The following CMIP variants were observed in gnomAD, a reference collection of about 807,000 sequenced individuals.
CMIP encodes c-Maf inducing protein, also known as C-Maf-inducing protein.
Under a neutral mutation model 97.3 loss-of-function variants are expected in CMIP, and 13 were observed. The observed-to-expected ratio is 0.13, with a 90% CI of 0.09 to 0.21. CMIP has a LOEUF of 0.21. Ranked by LOEUF, CMIP falls within the 10% of genes least tolerant of loss-of-function variation. The probability of loss-of-function intolerance (pLI) is 1.00; values close to 1 mark genes in which losing one functional copy is unlikely to be tolerated. For synonymous variants in CMIP, 538 were observed against 436.3 expected, an observed-to-expected ratio of 1.23 and a Z score of -2.91; for missense variants, 847 against 1,024.9, an observed-to-expected ratio of 0.83 and a Z score of 2.37.
intron 1 of CMIP, among the ~76,000 whole-genome samples, chr16:81,469,873 G>C (rs937803735): frequency 3.3e-5 from 5 of 152,216 alleles, no homozygotes; most frequent in Non-Finnish European, 5.9e-5. Context: ...TGTCTTGGAG[G>C]ATGGGATGGG....
intron 1 of CMIP, among the ~76,000 whole-genome samples, chr16:81,477,535 A>G (rs772160742): frequency 2.3e-4 from 35 of 152,328 alleles, no homozygotes; most frequent in Non-Finnish European, 4.0e-4. Flanking sequence ...ACTGAAGGCA[A>G]TGGCTGCCCT....
chr16:81,468,215 C>A (rs575435461), intron 1 of CMIP, among the ~76,000 whole-genome samples: 83 of 152,306 alleles, frequency 5.4e-4, no homozygotes, highest in South Asian at 8.3e-4. Context: ...AGGCAGAAGG[C>A]CATGGTTCTC....
intron 1 of CMIP, among the ~76,000 whole-genome samples, chr16:81,489,779 C>A (rs544721292): frequency 6.6e-6 from 1 of 152,340 alleles, no homozygotes; most frequent in East Asian, 1.9e-4. Context: ...GGGCCCTTCA[C>A]GCTGGGAGCT....
chr16:81,704,257 C>T (rs1325575498), intron 18 of CMIP, among the ~76,000 whole-genome samples, 172 bp downstream of exon 18: 1 of 84,790 alleles, frequency 1.2e-5, no homozygotes, highest in African/African-American at 4.9e-5. Context: ...CTCCCTGCCC[C>T]TTCACCCTCC....
intron 1 of CMIP, among the ~76,000 whole-genome samples, chr16:81,484,615 C>A (rs148819142): frequency 1.7e-3 from 255 of 152,252 alleles, no homozygotes; most frequent in Non-Finnish European, 2.1e-3. Flanking sequence ...GTAATCATCT[C>A]CGGCTCTCTG....
chr16:81,612,362 AC>A (rs2091845906), intron 2 of CMIP, among the ~76,000 whole-genome samples: 1 of 152,038 alleles, frequency 6.6e-6, no homozygotes, highest in African/African-American at 2.4e-5. Context: ...GGCTCTTCTC[AC>A]CAATGTTCTG....
intron 20 of CMIP, among the ~76,000 whole-genome samples, chr16:81,708,870 G>A (rs572156163): frequency 8.5e-5 from 13 of 152,318 alleles, no homozygotes; most frequent in East Asian, 5.8e-4. Context: ...GAGCAGCAGC[G>A]AGGAATTGCA....
intron 1 of CMIP, among the ~76,000 whole-genome samples, chr16:81,539,691 C>A (rs1359179054): frequency 6.6e-6 from 1 of 152,214 alleles, no homozygotes; most frequent in Non-Finnish European, 1.5e-5. Flanking sequence ...CTGAGGCCCG[C>A]AGTTCCTGCT....
At chr16:81,670,631 G>C (rs979945830) in intron 8 of CMIP, among the ~76,000 whole-genome samples, 36 of 147,070 alleles carry the variant, frequency 2.4e-4, no homozygotes, top group Non-Finnish European at 4.4e-4. Context: ...GGGGGGGGGG[G>C]GGGTGGTTGC....
intron 1 of CMIP, among the ~76,000 whole-genome samples, chr16:81,574,210 C>T (rs1216918146): frequency 6.6e-6 from 1 of 152,250 alleles, no homozygotes; most frequent in Non-Finnish European, 1.5e-5. Flanking sequence ...GCTGAGGGCC[C>T]AGGGAGCCCA....
At chr16:81,615,001 T>C (rs1191972947) in intron 2 of CMIP, among the ~76,000 whole-genome samples, 1 of 146,362 alleles carries the variant, frequency 6.8e-6, no homozygotes, top group Non-Finnish European at 1.5e-5. Flanking sequence ...TGTATGTGTC[T>C]ATATGTGATG....
intron 1 of CMIP, among the ~76,000 whole-genome samples, chr16:81,560,078 G>A (rs1377255502): frequency 6.6e-6 from 1 of 151,182 alleles, no homozygotes; most frequent in African/African-American, 2.4e-5. Context: ...AACTGGGGAG[G>A]CAGAGGTTGC....
chr16:81,685,074 A>T (rs1330599799), intron 10 of CMIP, among the ~76,000 whole-genome samples: 1 of 152,206 alleles, frequency 6.6e-6, no homozygotes, highest in Non-Finnish European at 1.5e-5. Context: ...TGGGCCTGCC[A>T]GTCTGGGGAC....
At chr16:81,705,997 C>G (rs1044356040) in intron 19 of CMIP, among the ~76,000 whole-genome samples, 2 of 152,306 alleles carry the variant, frequency 1.3e-5, no homozygotes, top group East Asian at 1.9e-4. Flanking sequence ...CAAGCCCACT[C>G]CAGACCTCCT....
intron 1 of CMIP, among the ~76,000 whole-genome samples, chr16:81,455,431 C>A (rs903824313): frequency 6.6e-5 from 10 of 152,230 alleles, no homozygotes; most frequent in Non-Finnish European, 1.5e-4. Context: ...GTTGGGAGGT[C>A]CGTCCTGTTG....
At chr16:81,499,531 T>TA (rs1044531763) in intron 1 of CMIP, among the ~76,000 whole-genome samples, 58 of 152,356 alleles carry the variant, frequency 3.8e-4, no homozygotes, top group Admixed American at 1.4e-3. Flanking sequence ...CTCCTCACCT[T>TA]AGCATCCGCC....
intron 17 of CMIP, among the ~76,000 whole-genome samples, chr16:81,703,453 A>G (rs902742971): frequency 1.3e-5 from 2 of 151,988 alleles, no homozygotes; most frequent in Admixed American, 1.3e-4. Flanking sequence ...GCAGCCAGTC[A>G]CACACCCTGA....
chr16:81,514,848 C>G (rs2089881872), intron 1 of CMIP, among the ~76,000 whole-genome samples: 1 of 152,208 alleles, frequency 6.6e-6, no homozygotes, highest in Admixed American at 6.5e-5. Flanking sequence ...GTGTGCCGTG[C>G]CAGTGTGCGC....
intron 3 of CMIP, among the ~76,000 whole-genome samples, chr16:81,635,205 C>G (rs1257999500): frequency 6.6e-6 from 1 of 151,918 alleles, no homozygotes; most frequent in Non-Finnish European, 1.5e-5. Context: ...TCCCCACCCC[C>G]ACCCCGTAGT....
Sources: allele counts gnomAD v4.1 joint callset (sites outside exome capture counted in the v4.1 genomes callset), GRCh38; gene constraint gnomAD v4.1.1; transcripts MANE v1.5; gene names NCBI Gene and HGNC (gene_info 2026-07-23, HGNC 2026-07-21).